The following NDST3 variants were observed in gnomAD, a reference collection of about 807,000 sequenced individuals.
The protein encoded by NDST3 is N-deacetylase and N-sulfotransferase 3, also known as bifunctional heparan sulfate N-deacetylase/N-sulfotransferase 3.
Under a neutral mutation model 96.1 loss-of-function variants are expected in NDST3, and 58 were observed. The observed-to-expected ratio is 0.60, with a 90% CI of 0.49 to 0.75. NDST3 has a LOEUF of 0.75. NDST3 is among the 30% of genes least tolerant of loss of function. The pLI is 0.00. For synonymous variants in NDST3, 333 were observed against 359.7 expected (o/e 0.93, Z 0.84); for missense variants, 788 against 1,034.2 (o/e 0.76, Z 3.27).
intron 10 of NDST3, among the ~76,000 whole-genome samples, chr4:118,238,227 A>AAAG (rs1560738953): frequency 6.7e-4 from 94 of 141,182 alleles, no homozygotes; most frequent in African/African-American, 1.6e-3. Flanking sequence ...AAGAAAGAAA[A>AAAG]AGAAAGAAGA....
At chr4:118,235,960 T>C (rs1239020258) in intron 9 of NDST3, among the ~76,000 whole-genome samples, 1 of 152,218 alleles carries the variant, frequency 6.6e-6, no homozygotes, top group East Asian at 1.9e-4. Context: ...CTTTATCATG[T>C]TTGAGGATAT....
In NDST3 at chr4:118,238,143, G is replaced by GAGAAAAGAA. The variant is rs1420207714; in HGVS notation, c.2118+938_2118+946dup. Reference sequence around the variant, plus strand: ...AAGAAGAGAGAGAGAGAGAGAGAGAGAGAAAAGAAAGAAAAGAAAGAAAGA... The same window carrying GAGAAAAGAA: ...AAGAAGAGAGAGAGAGAGAGAGAGAGAGAAAAGAAAGAAAAGAAAGAAAAGAAAGAAAGA... On this transcript the variant is annotated intron_variant, in intron 10 of 13. Coordinates refer to ENST00000296499, the MANE Select transcript of NDST3 (RefSeq NM_004784.3). 1.1e-4 allele frequency among the ~76,000 whole-genome samples: 15 copies of GAGAAAAGAA among 133,196 alleles called. 1 individual carries two copies. The East Asian group carries it at 3.2e-3, about 29-fold the overall frequency. The allele number at this position is 133,196 out of a possible 152,430, so 87.4% of individuals were successfully genotyped here.
rs1290020517 is a variant in NDST3, at chr4:118,151,135, G to A, written c.1539+7451G>A. On this transcript the variant is annotated intron_variant, in intron 6 of 13. Transcript: ENST00000296499. ...CATCATTCTCAGTAAACTATCGCAA[G>A]AACAAAAAACCAAACACCGCATATT... is the stretch of plus-strand genomic sequence containing the variant. Among the ~76,000 whole-genome samples the A allele has an allele frequency of 2.6e-5, 4 of 152,010 alleles. 1 individual carries two copies. Among genetic ancestry groups the A allele is most frequent in the Middle Eastern group, 6.4e-3 (2 of 314 alleles).
chr4:118,149,790 A>C (rs1190998263), intron 6 of NDST3, among the ~76,000 whole-genome samples: 3 of 152,008 alleles, frequency 2.0e-5, no homozygotes, highest in African/African-American at 4.8e-5. Context: ...TTCCAACACT[A>C]TGTTGAATAG....
chr4:118,212,169 T>A (rs1054122391), intron 6 of NDST3, among the ~76,000 whole-genome samples: 1 of 152,180 alleles, frequency 6.6e-6, no homozygotes, highest in Non-Finnish European at 1.5e-5. Flanking sequence ...GATGACCTGA[T>A]GAAAAAACAT....
chr4:118,229,255 C>T (rs967480705), intron 8 of NDST3, among the ~76,000 whole-genome samples: 22 of 152,158 alleles, frequency 1.4e-4, no homozygotes, highest in African/African-American at 5.3e-4. Context: ...AAGCCAAGAT[C>T]GCATCACTGC....
At chr4:118,158,771 A>G (rs1487870024) in intron 6 of NDST3, among the ~76,000 whole-genome samples, 2 of 152,242 alleles carry the variant, frequency 1.3e-5, no homozygotes, top group Admixed American at 6.5e-5. Context: ...ATAAGCTGAT[A>G]TTATGCACCT....
At chr4:118,158,044 G>A (rs1300165435) in intron 6 of NDST3, among the ~76,000 whole-genome samples, 3 of 151,998 alleles carry the variant, frequency 2.0e-5, no homozygotes. Context: ...GATGCTGTTG[G>A]GAACTGAGTT....
At chr4:118,105,247 T>C (rs956273115) in intron 3 of NDST3, 142 bp downstream of exon 3, 4 of 571,994 alleles carry the variant, frequency 7.0e-6, no homozygotes, top group Admixed American at 3.4e-5. Flanking sequence ...TAACATGCTA[T>C]TTTTTAATTT....
intron 3 of NDST3, among the ~76,000 whole-genome samples, chr4:118,111,267 T>C (rs564300127): frequency 7.2e-5 from 11 of 152,242 alleles, no homozygotes; most frequent in Non-Finnish European, 1.2e-4. Flanking sequence ...CTCAGCATCA[T>C]GCAATATGCC....
intron 12 of NDST3, among the ~76,000 whole-genome samples, chr4:118,250,013 T>C (rs1741581857): frequency 6.6e-6 from 1 of 152,242 alleles, no homozygotes; most frequent in African/African-American, 2.4e-5. Context: ...CTGAGTTTCC[T>C]CTATGTTGCT....
At chr4:118,113,186 G>T (rs1013295738) in intron 3 of NDST3, among the ~76,000 whole-genome samples, 1 of 152,116 alleles carries the variant, frequency 6.6e-6, no homozygotes, top group Non-Finnish European at 1.5e-5. Flanking sequence ...CATTAAAGAG[G>T]TCATGTGACT....
At chr4:118,115,201 C>T (rs534854459) in intron 4 of NDST3, among the ~76,000 whole-genome samples, 1 of 152,254 alleles carries the variant, frequency 6.6e-6, no homozygotes, top group African/African-American at 2.4e-5. Flanking sequence ...TTTATTATGA[C>T]ATTATGGTCA....
intron 9 of NDST3, among the ~76,000 whole-genome samples, chr4:118,235,963 G>A (rs980776001): frequency 6.6e-6 from 1 of 152,152 alleles, no homozygotes; most frequent in Non-Finnish European, 1.5e-5. Context: ...TATCATGTTT[G>A]AGGATATGAT....
intron 6 of NDST3, chr4:118,194,384 G>A (rs931845998): frequency 2.7e-5 from 20 of 731,222 alleles, no homozygotes; most frequent in African/African-American, 2.6e-4. Context: ...GTGTGGCATT[G>A]GGGAGATCTT....
At chr4:118,227,326 GA>G (rs1739957304) in intron 8 of NDST3, among the ~76,000 whole-genome samples, 1 of 151,706 alleles carries the variant, frequency 6.6e-6, no homozygotes, top group African/African-American at 2.4e-5. Flanking sequence ...CAAAAGTCAA[GA>G]GGGACACAGA....
upstream of NDST3, chr4:118,033,691 C>T (rs1349514751): frequency 2.6e-5 from 4 of 151,890 alleles, no homozygotes; most frequent in East Asian, 7.8e-4. Context: ...CCGGCGCACC[C>T]GCTGCGCTCG....
chr4:118,225,395 C>T (rs552695612), intron 7 of NDST3, among the ~76,000 whole-genome samples: 2 of 152,210 alleles, frequency 1.3e-5, no homozygotes, highest in Non-Finnish European at 2.9e-5. Context: ...ATATGTCAGA[C>T]GGGGCACTTG....
chr4:118,255,827 C>A lies in NDST3; in HGVS notation c.*115C>A, dbSNP rs949535172. The stretch of plus-strand genomic sequence containing the variant: ...TACCTCTTCAAATGAGAAAAAAGAA[C>A]AGTTTCTTCCATGTGCTGGCACGTG... On this transcript the variant is annotated 3_prime_UTR_variant, in exon 14 of 14. Transcript: ENST00000296499. 8.3e-7 allele frequency: 1 copy of A among 1,206,596 alleles called. No individual in the cohort carries two copies. The highest frequency in any genetic ancestry group is 1.8e-5 in the South Asian group (1 of 54,648). The allele number at this position is 1,206,596 out of a possible 1,614,324, so 74.7% of individuals were successfully genotyped here.
Sources: gnomAD v4.1 joint callset for allele counts (sites outside exome capture counted in the v4.1 genomes callset) on GRCh38, gnomAD v4.1.1 for gene constraint, MANE v1.5 for transcripts, NCBI Gene and HGNC (gene_info 2026-07-23, HGNC 2026-07-21) for gene names.